Variants in TDRD6 observed in about 807,000 individuals in gnomAD.
TDRD6 encodes tudor domain containing 6, also known as tudor domain-containing protein 6.
TDRD6 carries 186 observed loss-of-function variants against 157.5 expected under a neutral mutation model. That is an observed-to-expected ratio of 1.18 (90% CI 1.05 to 1.33). TDRD6 has a LOEUF of 1.33. Ranked by LOEUF, TDRD6 falls within the 40% of genes most tolerant of loss-of-function variation. The probability of loss-of-function intolerance (pLI) is 0.00; values close to 1 mark genes in which losing one functional copy is unlikely to be tolerated. For synonymous variants in TDRD6, 1,075 were observed against 945.2 expected, an observed-to-expected ratio of 1.14 and a Z score of -2.52; for missense variants, 3,066 against 2,508.0, an observed-to-expected ratio of 1.22 and a Z score of -4.75.
chr6:46,692,836 A>G lies in TDRD6; in HGVS notation c.4708A>G (p.Ile1570Val), dbSNP rs200546055. The G allele has an allele frequency of 9.3e-6, 15 of 1,614,024 alleles. No homozygotes were observed. The highest frequency in any genetic ancestry group is 1.3e-5 in the Non-Finnish European group (15 of 1,179,942). The part of the protein sequence containing the change: ...DRRNCIPCPY[I>V]GDPCIVRYRE... ...GAGAAATTGTATCCCATGTCCTTATATTGGAGATCCTTGTATAGTAAGATA... is the reference window on the plus strand; with the variant it reads ...GAGAAATTGTATCCCATGTCCTTATGTTGGAGATCCTTGTATAGTAAGATA... The change falls in exon 1 of 4, where the codon ATT becomes GTT. Residue 1570 changes from isoleucine (I) to valine (V), a missense_variant. Physicochemically the swap from Ile to Val is conservative, Grantham distance 29. Transcript: ENST00000316081.
At chr6:46,685,344 T>C (rs146977778), upstream of TDRD6, among the ~76,000 whole-genome samples, 10 of 152,354 alleles carry the variant, frequency 6.6e-5, no homozygotes, top group African/African-American at 2.4e-4. Flanking sequence ...ATTAGTAGTA[T>C]AGAAACTATA....
In TDRD6 at chr6:46,689,536, G is replaced by C. The variant is rs142765925; in HGVS notation, c.1408G>C (p.Asp470His). ...SQSQSPAEEV[D>H]EEISLPALRS... Reference sequence around the variant, plus strand: ...GTCTCAGTCTCCTGCTGAAGAAGTAGATGAAGAGATTTCACTCCCAGCCTT... The same window carrying C: ...GTCTCAGTCTCCTGCTGAAGAAGTACATGAAGAGATTTCACTCCCAGCCTT... Residue 470 changes from aspartate to histidine, a missense_variant, in exon 1 of 4, where the codon GAT (aspartate) becomes CAT (histidine). Transcript: ENST00000316081. 6.2e-7 allele frequency: 1 copy of C among 1,614,096 alleles called. No individual in the cohort carries two copies. Among genetic ancestry groups the C allele is most frequent in the African/African-American group, 1.3e-5 (1 of 75,040 alleles).
In TDRD6 at chr6:46,688,661, G is replaced by T. The variant is rs891786569; in HGVS notation, c.533G>T (p.Arg178Leu). 7 of 1,599,582 alleles carry T rather than the reference G, an allele frequency of 4.4e-6. No homozygotes were observed. The highest frequency in any genetic ancestry group is 1.3e-5 in the African/African-American group (1 of 74,916). Reference sequence around the variant, plus strand: ...GTCCTGGACGTGCTGCTGCTCCATCGCCTGGTCCTCCTGGAGGTGCCTGAT... The same window carrying T: ...GTCCTGGACGTGCTGCTGCTCCATCTCCTGGTCCTCCTGGAGGTGCCTGAT... The part of the protein sequence containing the change: ...GCVLDVLLLH[R>L]LVLLEVPDVF... The change falls in exon 1 of 4, where the codon CGC becomes CTC. Residue 178 changes from arginine (R) to leucine (L), a missense_variant. By Grantham distance (102) the Arg-to-Leu change is moderately radical. Coordinates refer to ENST00000316081, the MANE Select transcript of TDRD6 (RefSeq NM_001010870.3).
In TDRD6 at chr6:46,695,824, A is replaced by G; in HGVS notation, c.6050A>G (p.Gln2017Arg). Residue 2017 changes from glutamine (Q) to arginine (R), a missense_variant, in exon 2 of 4, where the codon CAA becomes CGA. Coordinates refer to ENST00000316081, the MANE Select transcript of TDRD6 (RefSeq NM_001010870.3). ...NNGLPDHISA[Q>R]LQNTYTLKAF... ...CTTACTCAATTCAATTTGGCAGCTC[A>G]ACTACAGAACACCTACACTCTGAAA... 1 of 1,612,580 alleles carries G rather than the reference A, an allele frequency of 6.2e-7. No individual in the cohort carries two copies. Among genetic ancestry groups the G allele is most frequent in the Non-Finnish European group, 8.5e-7 (1 of 1,179,392 alleles).
rs1198239515 is a variant in TDRD6 at position 46,698,093 on chromosome 6, G to T, written c.6261+6G>T. ...TGGATAAGAGTCCACCTGAGGTATG[G>T]AATTCTATAAATAGTAATTAGTGAG... On this transcript the variant is annotated splice_donor_region_variant and intron_variant, in intron 3 of 3. Transcript: ENST00000316081. 2 of 1,578,672 alleles carry T rather than the reference G, an allele frequency of 1.3e-6. No homozygotes were observed. The highest frequency in any genetic ancestry group is 1.3e-5 in the African/African-American group (1 of 74,206).
Position 46,688,445 on chromosome 6 carries a change from C to T in TDRD6, c.317C>T (p.Thr106Met), listed in dbSNP as rs955361788. Reference protein sequence around the residue: ...VFLLDEGRTITAGAGSLAPGR... With the variant: ...VFLLDEGRTIMAGAGSLAPGR... ...CTGCTGGACGAGGGCCGCACCATCA[C>T]GGCCGGAGCAGGCTCGCTGGCGCCT... Residue 106 changes from threonine to methionine, a missense_variant, in exon 1 of 4, where the codon ACG becomes ATG. By Grantham distance (81) the Thr-to-Met change is moderately conservative. Coordinates refer to ENST00000316081, the MANE Select transcript of TDRD6 (RefSeq NM_001010870.3). The T allele has an allele frequency of 1.3e-5, 20 of 1,542,764 alleles. No individual in the cohort carries two copies. The Admixed American group carries it at 2.7e-4, about 21-fold the overall frequency.
rs931293650 is a variant in TDRD6, at chr6:46,702,197, A to G, written c.*310A>G. On this transcript the variant is annotated 3_prime_UTR_variant, in exon 4 of 4. Transcript: ENST00000316081. ...ATTACATTTCAAAAACTATTTTGGTACCTTTCAAATACAGTGTTTAAATTA... is the reference window on the plus strand; with the variant it reads ...ATTACATTTCAAAAACTATTTTGGTGCCTTTCAAATACAGTGTTTAAATTA... The G allele has an allele frequency of 2.2e-5, 5 of 228,308 alleles. No individual in the cohort carries two copies. Among genetic ancestry groups the G allele is most frequent in the African/African-American group, 1.1e-4 (5 of 43,980 alleles). 14.1% of individuals were successfully genotyped at this position (228,308 alleles called of 1,614,324 possible). A position where few individuals can be genotyped will look rare whatever the true frequency, so the allele number is the denominator to read the frequency against.
chr6:46,683,557 T>G (rs1039832415), upstream of TDRD6, among the ~76,000 whole-genome samples: 4 of 152,108 alleles, frequency 2.6e-5, no homozygotes, highest in Non-Finnish European at 5.9e-5. Flanking sequence ...TAAACATTTG[T>G]CAAAATATCA....
At chr6:46,684,165 C>G (rs1418805228), upstream of TDRD6, among the ~76,000 whole-genome samples, 1 of 152,010 alleles carries the variant, frequency 6.6e-6, no homozygotes, top group East Asian at 1.9e-4. Flanking sequence ...TGTGTGTATT[C>G]TAATAAAATT....
the TDRD6 span, among the ~76,000 whole-genome samples, chr6:46,682,095 A>G: frequency 6.6e-6 from 1 of 152,126 alleles, no homozygotes; most frequent in African/African-American, 2.4e-5. Context: ...AAATTTAAAA[A>G]TCCATGTACG....
Position 46,704,231 on chromosome 6 carries a change from AC to A in TDRD6, c.*2345del, listed in dbSNP as rs747425172. ...ACTGGGATTTTGCCTGTTTTAATCT[AC>A]TTGTCTGTCAAAGTAATGTAAAAAC... On this transcript the variant is annotated 3_prime_UTR_variant, in exon 4 of 4. Transcript: ENST00000316081. 2 of 274,968 alleles carry A rather than the reference AC, an allele frequency of 7.3e-6. No homozygotes were observed. The highest frequency in any genetic ancestry group is 1.4e-5 in the Non-Finnish European group (2 of 141,426). 17.0% of individuals were successfully genotyped at this position (274,968 alleles called of 1,614,324 possible). A position where few individuals can be genotyped will look rare whatever the true frequency, so the allele number is the denominator to read the frequency against.
At chr6:46,687,617 G>C (rs1175981091), upstream of TDRD6, 1 of 152,756 alleles carries the variant, frequency 6.5e-6, no homozygotes, top group African/African-American at 2.4e-5. Flanking sequence ...GGCCCCCAGT[G>C]CTCAATCCCT....
chr6:46,689,404 G>A lies in TDRD6; in HGVS notation c.1276G>A (p.Glu426Lys), dbSNP rs1363764404. The change falls in exon 1 of 4, where the codon GAA becomes AAA. Residue 426 changes from glutamate (E) to lysine (K), a missense_variant. Physicochemically the swap from Glu to Lys is moderately conservative, Grantham distance 56. Transcript: ENST00000316081. ...EHVYYVSLYG[E>K]DGINLNRVFG... ...TGTGTATTATGTCAGCCTGTATGGA[G>A]AAGATGGGATTAATCTGAACCGTGT... The A allele has an allele frequency of 3.1e-6, 5 of 1,613,744 alleles. No homozygotes were observed. The highest frequency in any genetic ancestry group is 2.2e-5 in the South Asian group (2 of 91,084).
chr6:46,694,353 C>T (rs1431230692), intron 1 of TDRD6, among the ~76,000 whole-genome samples, 179 bp downstream of exon 1: 1 of 151,840 alleles, frequency 6.6e-6, no homozygotes, highest in Non-Finnish European at 1.5e-5. Context: ...CAGGTGTGTG[C>T]CACCACACCC....
chr6:46,694,071 G>C lies in TDRD6; in HGVS notation c.5943G>C (p.Glu1981Asp), dbSNP rs775403681. 3.1e-6 allele frequency: 5 copies of C among 1,613,476 alleles called. No homozygotes were observed. The highest frequency in any genetic ancestry group is 4.2e-6 in the Non-Finnish European group (5 of 1,179,808). Residue 1981 changes from glutamate (E) to aspartate (D), a missense_variant, in exon 1 of 4, where the codon GAG (glutamate) becomes GAC (aspartate). Coordinates refer to ENST00000316081, the MANE Select transcript of TDRD6 (RefSeq NM_001010870.3). ...EMNICEEEFVEYKNRDAISAL... is the reference protein window; with the variant it reads ...EMNICEEEFVDYKNRDAISAL... ...ATATATGTGAAGAAGAATTTGTAGAGTATAAAAACAGGGATGCCATTTCGG... is the reference window on the plus strand; with the variant it reads ...ATATATGTGAAGAAGAATTTGTAGACTATAAAAACAGGGATGCCATTTCGG...
upstream of TDRD6, among the ~76,000 whole-genome samples, chr6:46,683,323 A>G (rs1006024619): frequency 6.6e-6 from 1 of 152,078 alleles, no homozygotes; most frequent in Non-Finnish European, 1.5e-5. Context: ...AATGAATCAT[A>G]GACCTAAATA....
In TDRD6 at chr6:46,692,624, C is replaced by T. The variant is rs761838172; in HGVS notation, c.4496C>T (p.Ser1499Phe). Residue 1499 changes from serine to phenylalanine, a missense_variant, in exon 1 of 4, where the codon TCT (serine) becomes TTT (phenylalanine). By Grantham distance (155) the Ser-to-Phe change is radical. Transcript: ENST00000316081. ...TQVIKSASSK[S>F]VNKSDIDTSV... ...GTAATTAAAAGTGCCAGTTCAAAGTCTGTTAACAAATCAGACATTGACACT... is the reference window on the plus strand; with the variant it reads ...GTAATTAAAAGTGCCAGTTCAAAGTTTGTTAACAAATCAGACATTGACACT... The T allele has an allele frequency of 1.9e-6, 3 of 1,613,278 alleles. No homozygotes were observed. The highest frequency in any genetic ancestry group is 1.7e-6 in the Non-Finnish European group (2 of 1,179,790).
Position 46,689,623 on chromosome 6 carries a change from CCTT to C in TDRD6, c.1498_1500del (p.Ser500del). 1 of 1,614,146 alleles carries C rather than the reference CCTT, an allele frequency of 6.2e-7. No individual in the cohort carries two copies. Among genetic ancestry groups the C allele is most frequent in the South Asian group, 1.1e-5 (1 of 91,084 alleles). ...TGCGCAGGTAGAGTTTGTTAAAAAT[CCTT>C]CTGAGTTTTGGATTAGGTTGAGGAA... On this transcript the variant is annotated inframe_deletion, in exon 1 of 4. Coordinates refer to ENST00000316081, the MANE Select transcript of TDRD6 (RefSeq NM_001010870.3).
chr6:46,690,943 G>T lies in TDRD6; in HGVS notation c.2815G>T (p.Asp939Tyr). The change falls in exon 1 of 4, where the codon GAT becomes TAT. Residue 939 changes from aspartate (D) to tyrosine (Y), a missense_variant. Transcript: ENST00000316081. ...SINEELFNIVDLLTPFQSACH... is the reference protein window; with the variant it reads ...SINEELFNIVYLLTPFQSACH... ...TAATGAAGAACTGTTTAACATTGTG[G>T]ATTTGCTAACCCCCTTTCAGAGTGC... 1.9e-6 allele frequency: 3 copies of T among 1,614,098 alleles called. No individual in the cohort carries two copies. The highest frequency in any genetic ancestry group is 2.5e-6 in the Non-Finnish European group (3 of 1,179,982).
Sources: allele counts gnomAD v4.1 joint callset (sites outside exome capture counted in the v4.1 genomes callset), GRCh38; gene constraint gnomAD v4.1.1; transcripts MANE v1.5; gene names NCBI Gene and HGNC (gene_info 2026-07-23, HGNC 2026-07-21).